Variants in MEI4 observed in about 807,000 individuals in gnomAD.
The protein encoded by MEI4 is meiosis-specific protein MEI4.
In MEI4, 27 loss-of-function variants were observed where a neutral mutation model predicts 31.4. That is an observed-to-expected ratio of 0.86 (90% CI 0.63 to 1.19). MEI4 has a LOEUF of 1.19. Ranked by LOEUF, MEI4 falls within the 50% of genes most tolerant of loss-of-function variation. The pLI, the probability that MEI4 is intolerant of heterozygous loss-of-function variation, is 0.00. For synonymous variants in MEI4, 122 were observed against 145.4 expected (o/e 0.84, Z 1.16); for missense variants, 329 against 398.9 (o/e 0.82, Z 1.49).
chr6:77,693,713 G>A (rs1769202663), intron 2 of MEI4, among the ~76,000 whole-genome samples: 1 of 151,970 alleles, frequency 6.6e-6, no homozygotes, highest in Non-Finnish European at 1.5e-5. Context: ...TATACAAAAG[G>A]GGAGCATACA....
chr6:77,920,749 C>T (rs893936265), intron 4 of MEI4, among the ~76,000 whole-genome samples: 1 of 151,866 alleles, frequency 6.6e-6, no homozygotes, highest in African/African-American at 2.4e-5. Flanking sequence ...TGTTTGTAGA[C>T]ATTAAAACAT....
At chr6:77,683,152 T>G (rs546901272) in intron 1 of MEI4, among the ~76,000 whole-genome samples, 67 of 152,270 alleles carry the variant, frequency 4.4e-4, no homozygotes, top group African/African-American at 1.4e-3. Flanking sequence ...AGGCTAAGCT[T>G]CTTTTCACAA....
chr6:77,753,312 G>T (rs1182873952), intron 2 of MEI4, among the ~76,000 whole-genome samples: 1 of 152,044 alleles, frequency 6.6e-6, no homozygotes, highest in Admixed American at 6.6e-5. Flanking sequence ...AGAGTGAACA[G>T]CCAACCTACA....
chr6:77,884,154 T>A (rs79984257), intron 4 of MEI4, among the ~76,000 whole-genome samples: 2,774 of 152,282 alleles, frequency 0.018, 84 homozygotes, highest in African/African-American at 0.063. Flanking sequence ...CTTGTATGTC[T>A]TCTCTAAAGA....
chr6:77,698,859 G>A (rs1025867423), intron 2 of MEI4, among the ~76,000 whole-genome samples: 1 of 152,190 alleles, frequency 6.6e-6, no homozygotes, highest in Non-Finnish European at 1.5e-5. Flanking sequence ...ATCCTGCAGA[G>A]TGTTTTCCAA....
At chr6:77,781,508 T>G (rs1256043572) in intron 3 of MEI4, among the ~76,000 whole-genome samples, 1 of 152,174 alleles carries the variant, frequency 6.6e-6, no homozygotes, top group Non-Finnish European at 1.5e-5. Context: ...CCATCTCAGA[T>G]CTATGGAATT....
chr6:77,829,109 T>C, intron 4 of MEI4, 47 bp downstream of exon 4: 1 of 1,206,142 alleles, frequency 8.3e-7, no homozygotes, highest in South Asian at 4.2e-5. Flanking sequence ...TTATTGTAAC[T>C]ATATGTTTTT....
rs148212368 is a variant in MEI4 at position 77,790,670 on chromosome 6, C to G, written c.768+29005C>G. On this transcript the variant is annotated intron_variant, in intron 3 of 4. Transcript: ENST00000684080. ...TAGAGAACTGAAAGCAAGATCAACCCAAAGAAAATTATTTTGAGACTCATG... is the reference window on the plus strand; with the variant it reads ...TAGAGAACTGAAAGCAAGATCAACCGAAAGAAAATTATTTTGAGACTCATG... Among the ~76,000 whole-genome samples, 93 of 152,036 alleles carry G rather than the reference C, an allele frequency of 6.1e-4. 3 individuals are homozygous for G. In the East Asian group the frequency reaches 0.018, roughly 29 times the overall value.
At chr6:77,765,145 T>A (rs1768138184) in intron 3 of MEI4, among the ~76,000 whole-genome samples, 1 of 152,192 alleles carries the variant, frequency 6.6e-6, no homozygotes, top group African/African-American at 2.4e-5. Flanking sequence ...AAAATGTAGG[T>A]AATAAATGTG....
chr6:77,810,587 G>C (rs1189775096), intron 3 of MEI4, among the ~76,000 whole-genome samples: 2 of 152,110 alleles, frequency 1.3e-5, no homozygotes, highest in Admixed American at 6.6e-5. Context: ...GTTAAACTTA[G>C]AATTCCTAGG....
intron 1 of MEI4, among the ~76,000 whole-genome samples, chr6:77,664,728 CAG>C (rs1768587692): frequency 6.6e-6 from 1 of 152,006 alleles, no homozygotes; most frequent in Admixed American, 6.6e-5. Context: ...GCACTGGGCA[CAG>C]AGACTAGGAA....
chr6:77,700,571 G>A (rs1284208363), intron 2 of MEI4, among the ~76,000 whole-genome samples: 1 of 152,118 alleles, frequency 6.6e-6, no homozygotes, highest in Non-Finnish European at 1.5e-5. Context: ...GCCCTGCTTC[G>A]GCTCACATAC....
At chr6:77,808,294 T>C (rs1156738626) in intron 3 of MEI4, among the ~76,000 whole-genome samples, 1 of 152,242 alleles carries the variant, frequency 6.6e-6, no homozygotes, top group Non-Finnish European at 1.5e-5. Flanking sequence ...ATTCCAGTTT[T>C]GTTTTGAAAA....
intron 4 of MEI4, among the ~76,000 whole-genome samples, chr6:77,873,019 T>A (rs1771237308): frequency 6.6e-6 from 1 of 151,844 alleles, no homozygotes. Flanking sequence ...TTTGCTATTG[T>A]GAATAGTGCT....
chr6:77,788,829 C>A (rs1019571898), intron 3 of MEI4, among the ~76,000 whole-genome samples: 2 of 152,086 alleles, frequency 1.3e-5, no homozygotes, highest in African/African-American at 2.4e-5. Flanking sequence ...CCATACTGCC[C>A]AAAGTAATTT....
chr6:77,830,785 A>C (rs1562005121), intron 4 of MEI4, among the ~76,000 whole-genome samples: 1 of 152,128 alleles, frequency 6.6e-6, no homozygotes, highest in African/African-American at 2.4e-5. Context: ...GTAAGATCTG[A>C]AACTATGCAA....
Position 77,689,721 on chromosome 6 carries a change from A to C in MEI4, c.-14-937A>C, listed in dbSNP as rs141260728. On this transcript the variant is annotated intron_variant, in intron 1 of 4. Coordinates refer to ENST00000684080, the MANE Select transcript of MEI4 (RefSeq NM_001322247.2). ...ATGGAAGGATAGGCTGGGGAAATGG[A>C]AGGAAATAAAGTTTGAAATGTAAGG... Among the ~76,000 whole-genome samples, 442 of 152,148 alleles carry C rather than the reference A, an allele frequency of 2.9e-3. 3 individuals are homozygous for C. The highest frequency in any genetic ancestry group is 0.01 in the African/African-American group (419 of 41,520).
chr6:77,697,318 G>A (rs951171025), intron 2 of MEI4, among the ~76,000 whole-genome samples: 1 of 152,064 alleles, frequency 6.6e-6, no homozygotes, highest in African/African-American at 2.4e-5. Flanking sequence ...GCTTTTGAAT[G>A]TGTTTGCTCT....
chr6:77,698,407 G>A (rs61818945), intron 2 of MEI4, among the ~76,000 whole-genome samples: 9 of 152,214 alleles, frequency 5.9e-5, no homozygotes, highest in Admixed American at 1.3e-4. Context: ...GGCTGGTACC[G>A]GTTGTTCCTT....
Sources: allele counts gnomAD v4.1 joint callset (sites outside exome capture counted in the v4.1 genomes callset), GRCh38; gene constraint gnomAD v4.1.1; transcripts MANE v1.5; gene names NCBI Gene and HGNC (gene_info 2026-07-23, HGNC 2026-07-21).